Variants in DLG2 observed in about 807,000 individuals in gnomAD.
DLG2 encodes the protein discs large MAGUK scaffold protein 2.
Under a neutral mutation model 132.5 loss-of-function variants are expected in DLG2, and 45 were observed. The observed-to-expected ratio is 0.34, with a 90% CI of 0.27 to 0.44. The LOEUF is 0.44. Among genes scored for constraint, DLG2 ranks in the 20% least tolerant of loss-of-function variants. The pLI is 1.00. For synonymous variants in DLG2, 424 were observed against 419.6 expected, an observed-to-expected ratio of 1.01 and a Z score of -0.13; for missense variants, 1,045 against 1,196.9, an observed-to-expected ratio of 0.87 and a Z score of 1.87.
chr11:83,501,614 G>A (rs993496364), intron 21 of DLG2, among the ~76,000 whole-genome samples: 1 of 152,120 alleles, frequency 6.6e-6, no homozygotes, highest in Non-Finnish European at 1.5e-5. Flanking sequence ...CCTCATTCAA[G>A]GTCAAGCTAA....
At chr11:85,156,344 T>C (rs1229886748) in intron 4 of DLG2, among the ~76,000 whole-genome samples, 1 of 152,206 alleles carries the variant, frequency 6.6e-6, no homozygotes, top group African/African-American at 2.4e-5. Context: ...TTACTGTTTT[T>C]CAGTCTCTAG....
At chr11:84,803,514 C>T (rs1566006206) in intron 6 of DLG2, among the ~76,000 whole-genome samples, 1 of 152,188 alleles carries the variant, frequency 6.6e-6, no homozygotes, top group South Asian at 2.1e-4. Context: ...GCACAATCCT[C>T]CACAAAGAGC....
chr11:84,234,751 G>C (rs1351537645), intron 8 of DLG2, among the ~76,000 whole-genome samples: 1 of 152,132 alleles, frequency 6.6e-6, no homozygotes, highest in African/African-American at 2.4e-5. Flanking sequence ...TGACTATTTA[G>C]AGTAATAAAA....
chr11:85,427,656 C>G (rs1332968905), intron 3 of DLG2, among the ~76,000 whole-genome samples: 3 of 152,224 alleles, frequency 2.0e-5, no homozygotes, highest in African/African-American at 2.4e-5. Flanking sequence ...CAACCGGTAT[C>G]AGCCACTGCA....
At chr11:84,891,433 A>G (rs781602733) in intron 6 of DLG2, among the ~76,000 whole-genome samples, 22 of 152,284 alleles carry the variant, frequency 1.4e-4, no homozygotes, top group Non-Finnish European at 2.8e-4. Flanking sequence ...ATTTAAAAAT[A>G]TATACAAAGT....
At chr11:84,497,472 A>G (rs2099187927) in intron 7 of DLG2, among the ~76,000 whole-genome samples, 1 of 152,106 alleles carries the variant, frequency 6.6e-6, no homozygotes, top group African/African-American at 2.4e-5. Flanking sequence ...AATCAGAAAG[A>G]CAATCTTTTT....
intron 3 of DLG2, among the ~76,000 whole-genome samples, chr11:85,472,092 A>C (rs1416071653): frequency 6.6e-6 from 1 of 152,168 alleles, no homozygotes; most frequent in African/African-American, 2.4e-5. Flanking sequence ...CCAAGCTGCC[A>C]GTCTGGGTGA....
intron 4 of DLG2, among the ~76,000 whole-genome samples, chr11:85,171,091 T>C (rs569821433): frequency 2.6e-4 from 39 of 152,294 alleles, no homozygotes; most frequent in South Asian, 2.3e-3. Context: ...AATATTTACC[T>C]AAATGCAAAA....
intron 4 of DLG2, among the ~76,000 whole-genome samples, chr11:85,216,910 G>T (rs538118596): frequency 1.3e-5 from 2 of 151,940 alleles, no homozygotes; most frequent in African/African-American, 2.4e-5. Flanking sequence ...TGGCCAGGCT[G>T]GTCTTGAACT....
At chr11:83,569,271 G>A (rs1190382914) in intron 19 of DLG2, among the ~76,000 whole-genome samples, 1 of 151,586 alleles carries the variant, frequency 6.6e-6, no homozygotes, top group African/African-American at 2.4e-5. Context: ...AGTCTCTGAA[G>A]GCCATTATAA....
intron 7 of DLG2, among the ~76,000 whole-genome samples, chr11:84,308,869 G>T (rs2098258875): frequency 6.6e-6 from 1 of 152,164 alleles, no homozygotes; most frequent in African/African-American, 2.4e-5. Context: ...CGGAACTCAC[G>T]CTGGCCCACA....
intron 3 of DLG2, among the ~76,000 whole-genome samples, chr11:85,492,867 A>C (rs1160753626): frequency 6.6e-6 from 1 of 152,140 alleles, no homozygotes. Context: ...CATATTGTTA[A>C]GGTATAAAAA....
At chr11:85,211,561 TAA>T (rs139743203) in intron 4 of DLG2, among the ~76,000 whole-genome samples, 3,883 of 152,190 alleles carry the variant, frequency 0.026, 82 homozygotes, top group East Asian at 0.092. Context: ...CCTTGCTGTA[TAA>T]GAGTACCCTG....
chr11:85,621,122 C>T (rs1165061151), intron 2 of DLG2, among the ~76,000 whole-genome samples: 2 of 151,890 alleles, frequency 1.3e-5, no homozygotes, highest in African/African-American at 4.8e-5. Flanking sequence ...TGTCCATGCT[C>T]TAAAAGTAGG....
intron 7 of DLG2, among the ~76,000 whole-genome samples, chr11:84,367,487 AG>A (rs2098688967): frequency 6.6e-6 from 1 of 152,138 alleles, no homozygotes; most frequent in Non-Finnish European, 1.5e-5. Context: ...GCTGTGTGCT[AG>A]GGTTTGAATA....
intron 9 of DLG2, among the ~76,000 whole-genome samples, chr11:84,134,692 C>CTATGTG: frequency 6.7e-6 from 1 of 149,662 alleles, no homozygotes; most frequent in African/African-American, 2.4e-5. Flanking sequence ...CTTTTGTTAT[C>CTATGTG]TGTGTGTGTG....
At chr11:84,490,432 G>T (rs1259730519) in intron 7 of DLG2, among the ~76,000 whole-genome samples, 1 of 152,024 alleles carries the variant, frequency 6.6e-6, no homozygotes, top group Non-Finnish European at 1.5e-5. Flanking sequence ...TGGACAGCTG[G>T]CAGGGCTGAT....
intron 18 of DLG2, among the ~76,000 whole-genome samples, chr11:83,676,079 G>A (rs1332554063): frequency 1.3e-5 from 2 of 152,160 alleles, no homozygotes; most frequent in African/African-American, 2.4e-5. Flanking sequence ...GACTCATAAT[G>A]TCCTGGGGAG....
At chr11:84,720,056 T>C (rs1293571422) in intron 6 of DLG2, among the ~76,000 whole-genome samples, 3 of 152,108 alleles carry the variant, frequency 2.0e-5, no homozygotes, top group Non-Finnish European at 4.4e-5. Flanking sequence ...GCATCTGCTC[T>C]TGTAGCCTCT....
Sources: allele counts gnomAD v4.1 joint callset (sites outside exome capture counted in the v4.1 genomes callset), GRCh38; gene constraint gnomAD v4.1.1; transcripts MANE v1.5; gene names NCBI Gene and HGNC (gene_info 2026-07-23, HGNC 2026-07-21).